ASXL2: variants seen among roughly 807,000 people sequenced by gnomAD.
ASXL2 encodes the protein putative Polycomb group protein ASXL2.
In ASXL2, 23 loss-of-function variants were observed where a neutral mutation model predicts 122.0. The ratio of observed to expected loss-of-function variants is 0.19; its 90% CI spans 0.14 to 0.27. The LOEUF (loss-of-function observed/expected upper bound fraction) is 0.27. Among genes scored for constraint, ASXL2 ranks in the 10% least tolerant of loss-of-function variants. The pLI, the probability that ASXL2 is intolerant of heterozygous loss-of-function variation, is 1.00. For synonymous variants in ASXL2, 650 were observed against 637.0 expected, an observed-to-expected ratio of 1.02 and a Z score of -0.31; for missense variants, 1,518 against 1,713.8, an observed-to-expected ratio of 0.89 and a Z score of 2.02.
chr2:25,743,300 G>T lies in ASXL2; in HGVS notation c.3037C>A (p.His1013Asn). ...CCCAGCTGCTGCTGCGTAGCTGGAT[G>T]GGACTGTCTCTCATTAACTTCCTCT... is the stretch of plus-strand genomic sequence containing the variant. ...TREEVNERQS[H>N]PATQQQLGKT... The change falls in exon 13 of 13, where the codon CAT becomes AAT. Residue 1013 changes from histidine to asparagine, a missense_variant. Coordinates refer to ENST00000435504, the MANE Select transcript of ASXL2 (RefSeq NM_018263.6). 6.2e-7 allele frequency: 1 copy of T among 1,613,918 alleles called. No homozygotes were observed. The highest frequency in any genetic ancestry group is 8.5e-7 in the Non-Finnish European group (1 of 1,179,862).
At chr2:25,783,561 C>CT (rs1000139273) in intron 5 of ASXL2, among the ~76,000 whole-genome samples, 15 of 151,590 alleles carry the variant, frequency 9.9e-5, no homozygotes, top group Non-Finnish European at 1.5e-4. Flanking sequence ...CTTTATTATT[C>CT]TTTTTTTTCT....
At chr2:25,792,308 G>A (rs1170760035) in intron 5 of ASXL2, among the ~76,000 whole-genome samples, 2 of 151,960 alleles carry the variant, frequency 1.3e-5, no homozygotes, top group African/African-American at 4.8e-5. Flanking sequence ...TGCCTAACAA[G>A]TAGTTTAAAC....
rs2087887349 is a variant in ASXL2 at position 25,743,741 on chromosome 2, G to C, written c.2596C>G (p.Pro866Ala). ...GTCTTTGATGAGGCTGAAGGGTTAG[G>C]TATATTCTTACTAGGACCTGCTTTG... ...ELKAGPSKNIPNPSASSKTDA... is the reference protein window; with the variant it reads ...ELKAGPSKNIANPSASSKTDA... The change falls in exon 13 of 13, where the codon CCT becomes GCT. Residue 866 changes from proline (P) to alanine (A), a missense_variant. Pro to Ala is a conservative substitution (Grantham distance 27). Transcript: ENST00000435504. 6.2e-7 allele frequency: 1 copy of C among 1,613,990 alleles called. No individual in the cohort carries two copies. Among genetic ancestry groups the C allele is most frequent in the Non-Finnish European group, 8.5e-7 (1 of 1,179,894 alleles).
rs558721495 is a variant in ASXL2 at position 25,869,025 on chromosome 2, C to A, written c.57+9141G>T. 3.9e-5 allele frequency among the ~76,000 whole-genome samples: 6 copies of A among 152,116 alleles called. No individual in the cohort carries two copies. The South Asian group carries it at 1.2e-3, about 32-fold the overall frequency. On this transcript the variant is annotated intron_variant, in intron 1 of 12. Transcript: ENST00000435504. ...ACTAAAAATACAAAAATTAGCCAGG[C>A]ATGGTGGCAGACGCCTGTAATCCCA...
chr2:25,802,217 A>AAATT (rs2089010235), intron 4 of ASXL2, among the ~76,000 whole-genome samples: 1 of 152,320 alleles, frequency 6.6e-6, no homozygotes, highest in African/African-American at 2.4e-5. Context: ...CCTTTATTCA[A>AAATT]AATTAATTCT....
chr2:25,859,963 T>G (rs536131043), intron 1 of ASXL2, among the ~76,000 whole-genome samples: 1 of 150,782 alleles, frequency 6.6e-6, no homozygotes, highest in Non-Finnish European at 1.5e-5. Flanking sequence ...GTGTGCAGAT[T>G]GCTTGAGCTC....
rs988563830 is a variant in ASXL2, at chr2:25,836,628, G to A, written c.141-1088C>T. Among the ~76,000 whole-genome samples the A allele has an allele frequency of 3.1e-4, 47 of 152,140 alleles. 1 individual carries two copies. Among genetic ancestry groups the A allele is most frequent in the Non-Finnish European group, 6.5e-4 (44 of 68,014 alleles). On this transcript the variant is annotated intron_variant, in intron 2 of 12. Transcript: ENST00000435504. ...GTCATTAGGACTCCCCCAGACAGAG[G>A]TAAAATCTCAGTCTCTAAAATGTTT...
intron 3 of ASXL2, among the ~76,000 whole-genome samples, chr2:25,817,653 G>C (rs1179527843): frequency 1.3e-5 from 2 of 152,100 alleles, no homozygotes; most frequent in Non-Finnish European, 2.9e-5. Context: ...AAAGACAATA[G>C]AGCTCTTTTT....
At chr2:25,823,817 T>C (rs1181420673) in intron 3 of ASXL2, among the ~76,000 whole-genome samples, 1 of 152,136 alleles carries the variant, frequency 6.6e-6, no homozygotes, top group Non-Finnish European at 1.5e-5. Flanking sequence ...ACATTCTTTC[T>C]AATAAACTGT....
At chr2:25,775,002 G>A (rs749616081) in intron 5 of ASXL2, among the ~76,000 whole-genome samples, 1 of 152,076 alleles carries the variant, frequency 6.6e-6, no homozygotes, top group African/African-American at 2.4e-5. Context: ...CTGTCTTCTC[G>A]TGGTTTTATT....
chr2:25,808,010 C>T (rs1208968350), intron 3 of ASXL2, among the ~76,000 whole-genome samples: 1 of 151,592 alleles, frequency 6.6e-6, no homozygotes, highest in African/African-American at 2.4e-5. Context: ...CACACACACA[C>T]ACACACACAC....
chr2:25,786,979 C>CAAAA (rs368718510), intron 5 of ASXL2, among the ~76,000 whole-genome samples: 2 of 138,454 alleles, frequency 1.4e-5, no homozygotes, highest in Non-Finnish European at 3.1e-5. Flanking sequence ...TACAAAATGG[C>CAAAA]AAAAAAAAAA....
intron 5 of ASXL2, among the ~76,000 whole-genome samples, chr2:25,786,979 CAA>C (rs368718510): frequency 4.3e-5 from 6 of 138,466 alleles, no homozygotes; most frequent in Admixed American, 7.2e-5. Flanking sequence ...TACAAAATGG[CAA>C]AAAAAAAAAA....
intron 3 of ASXL2, among the ~76,000 whole-genome samples, chr2:25,833,176 C>T (rs569937964): frequency 4.6e-5 from 7 of 152,274 alleles, no homozygotes; most frequent in African/African-American, 1.2e-4. Flanking sequence ...ACACACACCC[C>T]GGTACCAGTA....
chr2:25,797,598 G>A (rs1053656980), intron 5 of ASXL2, among the ~76,000 whole-genome samples: 1 of 152,184 alleles, frequency 6.6e-6, no homozygotes, highest in African/African-American at 2.4e-5. Context: ...GACATCTCAC[G>A]AAAGAAGATA....
chr2:25,769,761 G>A (rs898807419), intron 6 of ASXL2, among the ~76,000 whole-genome samples: 9 of 151,926 alleles, frequency 5.9e-5, no homozygotes, highest in Non-Finnish European at 1.2e-4. Flanking sequence ...TTTTAAGACT[G>A]TCATGTAGCA....
In ASXL2 at chr2:25,755,603, G is replaced by C. The variant is rs150649143; in HGVS notation, c.1036+415C>G. ...TTGCTTTTACTGTTAGTTTTATTGA[G>C]GCTAGGCAGTAATAAACAGATTATC... On this transcript the variant is annotated intron_variant, in intron 10 of 12. Transcript: ENST00000435504. Among the ~76,000 whole-genome samples, 600 of 152,246 alleles carry C rather than the reference G, an allele frequency of 3.9e-3. 3 individuals carry two copies. Among genetic ancestry groups the C allele is most frequent in the Non-Finnish European group, 5.2e-3 (357 of 68,016 alleles).
intron 3 of ASXL2, among the ~76,000 whole-genome samples, chr2:25,831,202 G>A (rs2089447245): frequency 1.3e-5 from 2 of 151,692 alleles, no homozygotes; most frequent in South Asian, 4.2e-4. Context: ...CCAGCTACTC[G>A]GGAGGCAGGA....
chr2:25,797,317 C>A (rs367934169), intron 5 of ASXL2, among the ~76,000 whole-genome samples: 1 of 152,004 alleles, frequency 6.6e-6, no homozygotes. Context: ...TGGTGGCGGG[C>A]GCCTGTAATC....
Sources: allele counts gnomAD v4.1 joint callset (sites outside exome capture counted in the v4.1 genomes callset), GRCh38; gene constraint gnomAD v4.1.1; transcripts MANE v1.5; gene names NCBI Gene and HGNC (gene_info 2026-07-23, HGNC 2026-07-21).